Variants in HTR1F observed in about 807,000 individuals in gnomAD.
HTR1F encodes 5-hydroxytryptamine (serotonin) receptor 1F, G protein-coupled.
Under a neutral mutation model 24.0 loss-of-function variants are expected in HTR1F, and 17 were observed. The observed-to-expected ratio is 0.71, with a 90% CI of 0.48 to 1.06. HTR1F has a LOEUF of 1.06. HTR1F is among the 50% of genes least tolerant of loss of function. The probability of loss-of-function intolerance (pLI) is 0.00; values close to 1 mark genes in which losing one functional copy is unlikely to be tolerated. For synonymous variants in HTR1F, 186 were observed against 156.8 expected, an observed-to-expected ratio of 1.19 and a Z score of -1.39; for missense variants, 391 against 427.8, an observed-to-expected ratio of 0.91 and a Z score of 0.76.
rs1326348827 is a variant in HTR1F at position 87,978,923 on chromosome 3, AGG to A, written c.-42-11784_-42-11783del. 5.9e-4 allele frequency among the ~76,000 whole-genome samples: 67 copies of A among 112,748 alleles called. 2 individuals are homozygous for A. The highest frequency in any genetic ancestry group is 1.4e-3 in the African/African-American group (41 of 29,524). 74.0% of individuals were successfully genotyped at this position (112,748 alleles called of 152,430 possible). ...AAGGAAGGAAGGAAGGAAGGAAGGA[AGG>A]AAGGAAGGAAAAGAGAGAGATGGGA... On this transcript the variant is annotated intron_variant, in intron 2 of 2. Transcript: ENST00000319595.
chr3:87,920,367 C>G (rs1171075991), intron 2 of HTR1F, among the ~76,000 whole-genome samples: 1 of 151,804 alleles, frequency 6.6e-6, no homozygotes. Context: ...ACTCATGTAA[C>G]CAAACACCAC....
intron 2 of HTR1F, among the ~76,000 whole-genome samples, chr3:87,841,764 G>A (rs1227810119): frequency 6.6e-6 from 1 of 151,326 alleles, no homozygotes; most frequent in African/African-American, 2.4e-5. Context: ...GCCAGACGTG[G>A]TGGCGCGCTC....
intron 2 of HTR1F, among the ~76,000 whole-genome samples, chr3:87,915,708 T>C (rs1703877892): frequency 6.6e-6 from 1 of 152,164 alleles, no homozygotes; most frequent in African/African-American, 2.4e-5. Flanking sequence ...TCTGGGATTA[T>C]GTTAAACAAT....
At chr3:87,841,332 C>T (rs1223573257) in intron 2 of HTR1F, among the ~76,000 whole-genome samples, 2 of 151,842 alleles carry the variant, frequency 1.3e-5, no homozygotes, top group Admixed American at 1.3e-4. Flanking sequence ...AGCAAAACTT[C>T]TCTAGGATTT....
intron 2 of HTR1F, among the ~76,000 whole-genome samples, chr3:87,966,021 C>G (rs1201680262): frequency 6.6e-6 from 1 of 152,152 alleles, no homozygotes; most frequent in African/African-American, 2.4e-5. Flanking sequence ...TTATTGCATT[C>G]AGACTACTAT....
intron 2 of HTR1F, among the ~76,000 whole-genome samples, chr3:87,827,416 A>G (rs1364073064): frequency 1.3e-5 from 2 of 152,164 alleles, no homozygotes; most frequent in Non-Finnish European, 2.9e-5. Flanking sequence ...TTCTTTGTCA[A>G]ACTGTGCTAC....
intron 2 of HTR1F, among the ~76,000 whole-genome samples, chr3:87,959,331 C>CCCTCCTTATAATATCCAAAT (rs1383433662): frequency 2.6e-5 from 4 of 151,720 alleles, no homozygotes; most frequent in African/African-American, 9.7e-5. Context: ...TAAATTTTTG[C>CCCTCCTTATAATATCCAAAT]CCTCCTTATA....
intron 2 of HTR1F, among the ~76,000 whole-genome samples, chr3:87,869,454 T>TAGATAGATGATAGATA (rs113301497): frequency 1.6e-5 from 2 of 124,858 alleles, no homozygotes; most frequent in African/African-American, 7.2e-5. Context: ...GATAGATAGA[T>TAGATAGATGATAGATA]GATAGATAGA....
chr3:87,969,075 G>T (rs1416982914), intron 2 of HTR1F, among the ~76,000 whole-genome samples: 1 of 152,264 alleles, frequency 6.6e-6, no homozygotes, highest in African/African-American at 2.4e-5. Context: ...CTAGATTTCA[G>T]AGGATGTATG....
intron 2 of HTR1F, among the ~76,000 whole-genome samples, chr3:87,903,742 A>T (rs1334659824): frequency 6.6e-6 from 1 of 152,158 alleles, no homozygotes; most frequent in Non-Finnish European, 1.5e-5. Flanking sequence ...CTAGAACTAG[A>T]AATACCATTT....
chr3:87,854,237 C>G (rs1705152303), intron 2 of HTR1F, among the ~76,000 whole-genome samples: 1 of 151,882 alleles, frequency 6.6e-6, no homozygotes, highest in Non-Finnish European at 1.5e-5. Flanking sequence ...AAAAGAATTA[C>G]AGTTTTAGGA....
intron 1 of HTR1F, among the ~76,000 whole-genome samples, chr3:87,807,480 T>G (rs977430691): frequency 2.6e-5 from 4 of 152,018 alleles, no homozygotes; most frequent in African/African-American, 4.8e-5. Flanking sequence ...TGACTTTGTA[T>G]TCCGCAACTT....
chr3:87,914,159 A>G (rs1411647887), intron 2 of HTR1F, among the ~76,000 whole-genome samples: 1 of 152,158 alleles, frequency 6.6e-6, no homozygotes, highest in Non-Finnish European at 1.5e-5. Flanking sequence ...AGAGCCCAGC[A>G]TAATACAGGG....
At chr3:87,917,060 A>T (rs556999678) in intron 2 of HTR1F, among the ~76,000 whole-genome samples, 1 of 152,166 alleles carries the variant, frequency 6.6e-6, no homozygotes, top group South Asian at 2.1e-4. Context: ...TCCAAAAGGA[A>T]CCTCCAAAAC....
chr3:87,945,093 CTCTCTCTCTGTCTCCTCCA>C (rs768688512), intron 2 of HTR1F, among the ~76,000 whole-genome samples: 16,755 of 151,454 alleles, frequency 0.11, 1,105 homozygotes, highest in Non-Finnish European at 0.16. Flanking sequence ...TCTCCTCCAT[CTCTCTCTCTGTCTCCTCCA>C]TCTCTCTCTC....
chr3:87,794,852 T>G (rs966990023), intron 1 of HTR1F, among the ~76,000 whole-genome samples: 1 of 152,184 alleles, frequency 6.6e-6, no homozygotes, highest in Admixed American at 6.5e-5. Flanking sequence ...TATATTGTTT[T>G]TATTGTTCTT....
At chr3:87,976,528 A>T (rs1486448245) in intron 2 of HTR1F, among the ~76,000 whole-genome samples, 2 of 152,198 alleles carry the variant, frequency 1.3e-5, no homozygotes, top group Non-Finnish European at 2.9e-5. Context: ...TAAATCAAAT[A>T]TCATCACTAA....
chr3:87,970,815 A>AC, intron 2 of HTR1F, among the ~76,000 whole-genome samples: 1 of 152,330 alleles, frequency 6.6e-6, no homozygotes, highest in East Asian at 1.9e-4. Context: ...GTGCTTCCCC[A>AC]CAGCAAGATA....
chr3:87,979,569 C>A (rs987278435), intron 2 of HTR1F, among the ~76,000 whole-genome samples: 1 of 152,186 alleles, frequency 6.6e-6, no homozygotes, highest in African/African-American at 2.4e-5. Context: ...CTAAAAATGT[C>A]ACAAGATCCT....
Sources: allele counts gnomAD v4.1 joint callset (sites outside exome capture counted in the v4.1 genomes callset), GRCh38; gene constraint gnomAD v4.1.1; transcripts MANE v1.5; gene names NCBI Gene and HGNC (gene_info 2026-07-23, HGNC 2026-07-21).